Variants in EPHA6 observed in about 807,000 individuals in gnomAD.
EPHA6 encodes ephrin type-A receptor 6.
A neutral mutation model predicts 112.0 loss-of-function variants in EPHA6; 50 were observed. That is an observed-to-expected ratio of 0.45 (90% CI 0.36 to 0.56). The LOEUF is 0.56. Among genes scored for constraint, EPHA6 ranks in the 20% least tolerant of loss-of-function variants. EPHA6 has a pLI of 0.00. For missense variants in EPHA6, 1,280 were observed against 1,417.4 expected (o/e 0.90, Z 1.56); for synonymous variants, 529 against 490.7 (o/e 1.08, Z -1.03).
At chr3:97,506,980 G>A (rs2092266316) in intron 10 of EPHA6, among the ~76,000 whole-genome samples, 1 of 152,116 alleles carries the variant, frequency 6.6e-6, no homozygotes, top group Non-Finnish European at 1.5e-5. Context: ...TATTATTGGT[G>A]TAGAGGAATG....
chr3:97,196,617 G>T (rs182488511), intron 3 of EPHA6, among the ~76,000 whole-genome samples: 1 of 151,964 alleles, frequency 6.6e-6, no homozygotes, highest in Non-Finnish European at 1.5e-5. Flanking sequence ...CAACATTCTT[G>T]TGAAGGCTAT....
chr3:97,356,268 G>A (rs1248539373), intron 5 of EPHA6, among the ~76,000 whole-genome samples: 1 of 152,176 alleles, frequency 6.6e-6, no homozygotes, highest in African/African-American at 2.4e-5. Flanking sequence ...AGGAAAACAA[G>A]TTCAGGGCTC....
chr3:97,438,782 C>T (rs2089986644), intron 6 of EPHA6, among the ~76,000 whole-genome samples: 1 of 152,146 alleles, frequency 6.6e-6, no homozygotes. Flanking sequence ...ACGTTACACA[C>T]CTGCTGGATC....
At chr3:97,012,758 T>A (rs571610902) in intron 3 of EPHA6, among the ~76,000 whole-genome samples, 127 of 151,474 alleles carry the variant, frequency 8.4e-4, no homozygotes, top group African/African-American at 3.0e-3. Flanking sequence ...CACACTGGAC[T>A]TACTATTTTT....
chr3:96,978,750 G>A (rs2042631169), intron 2 of EPHA6, among the ~76,000 whole-genome samples: 1 of 152,044 alleles, frequency 6.6e-6, no homozygotes, highest in Non-Finnish European at 1.5e-5. Flanking sequence ...TATTTGAGAA[G>A]AATAACATTT....
intron 3 of EPHA6, among the ~76,000 whole-genome samples, chr3:97,104,776 C>T (rs1179336142): frequency 6.6e-6 from 1 of 151,898 alleles, no homozygotes; most frequent in African/African-American, 2.4e-5. Flanking sequence ...TGGTCTTGGG[C>T]TTTTTTTGGT....
At chr3:96,893,170 C>T (rs1005848214) in intron 2 of EPHA6, among the ~76,000 whole-genome samples, 2 of 152,076 alleles carry the variant, frequency 1.3e-5, no homozygotes, top group African/African-American at 4.8e-5. Flanking sequence ...ACCTACTGCG[C>T]TGCTAGTCAT....
chr3:97,322,263 G>A (rs11914407), intron 5 of EPHA6, among the ~76,000 whole-genome samples: 17,041 of 151,862 alleles, frequency 0.11, 3,044 homozygotes, highest in African/African-American at 0.37. Flanking sequence ...GAAATATTTT[G>A]AATTTTGTAC....
chr3:97,383,172 G>T (rs1213799944), intron 5 of EPHA6, among the ~76,000 whole-genome samples: 2 of 151,992 alleles, frequency 1.3e-5, no homozygotes, highest in Non-Finnish European at 2.9e-5. Context: ...AAAATAAGCT[G>T]TGGACTTACT....
rs1191737391 is a variant in EPHA6, at chr3:96,814,616, T to C, written c.-8T>C. ...AATAGTCCTCGCGCAAGCGGGACAC[T>C]GTGGTGGATGCAATTCCCCTCGCCT... On this transcript the variant is annotated 5_prime_UTR_variant, in exon 1 of 18. Transcript: ENST00000389672. The C allele has an allele frequency of 7.0e-7, 1 of 1,419,974 alleles. No individual in the cohort carries two copies. The highest frequency in any genetic ancestry group is 9.2e-7 in the Non-Finnish European group (1 of 1,083,646). 88.0% of individuals were successfully genotyped at this position (1,419,974 alleles called of 1,614,324 possible).
chr3:97,224,515 C>T (rs931994164), intron 3 of EPHA6, among the ~76,000 whole-genome samples: 29 of 152,028 alleles, frequency 1.9e-4, no homozygotes, highest in African/African-American at 6.8e-4. Context: ...GTTATAAGCA[C>T]GCTACTTTAT....
intron 3 of EPHA6, among the ~76,000 whole-genome samples, chr3:97,087,522 C>T (rs1328759568): frequency 6.6e-6 from 1 of 152,078 alleles, no homozygotes; most frequent in Non-Finnish European, 1.5e-5. Flanking sequence ...GGGAAAGGGC[C>T]ACTAGCTAGG....
intron 3 of EPHA6, among the ~76,000 whole-genome samples, chr3:97,114,242 T>G (rs529811861): frequency 1.3e-4 from 20 of 152,130 alleles, no homozygotes; most frequent in Non-Finnish European, 2.5e-4. Flanking sequence ...TAATAATATT[T>G]AAGTTTTGTT....
intron 4 of EPHA6, among the ~76,000 whole-genome samples, chr3:97,238,206 A>G (rs999160946): frequency 2.0e-5 from 3 of 151,954 alleles, no homozygotes; most frequent in African/African-American, 7.2e-5. Flanking sequence ...ATGGGTAAAG[A>G]GATGGTGGCA....
chr3:97,004,185 G>A (rs538267610), intron 3 of EPHA6, among the ~76,000 whole-genome samples: 1 of 152,070 alleles, frequency 6.6e-6, no homozygotes, highest in Non-Finnish European at 1.5e-5. Context: ...GAGTCAAATG[G>A]TATTTCTGGT....
At chr3:97,037,081 A>C (rs1453294591) in intron 3 of EPHA6, among the ~76,000 whole-genome samples, 1 of 152,092 alleles carries the variant, frequency 6.6e-6, no homozygotes. Flanking sequence ...TTGACTTAAA[A>C]GGTGTATTTG....
chr3:97,663,703 A>G (rs2094185945), intron 14 of EPHA6, among the ~76,000 whole-genome samples: 1 of 152,082 alleles, frequency 6.6e-6, no homozygotes, highest in South Asian at 2.1e-4. Flanking sequence ...CATGGTGTAT[A>G]TGTGCCACAT....
At chr3:97,403,714 G>A (rs1449825727) in intron 5 of EPHA6, among the ~76,000 whole-genome samples, 1 of 152,164 alleles carries the variant, frequency 6.6e-6, no homozygotes, top group African/African-American at 2.4e-5. Context: ...CCAAAGTGCT[G>A]GGATTACAGG....
intron 3 of EPHA6, among the ~76,000 whole-genome samples, chr3:97,129,906 T>C (rs1436156119): frequency 6.6e-6 from 1 of 152,110 alleles, no homozygotes; most frequent in Non-Finnish European, 1.5e-5. Flanking sequence ...CTATCAGATA[T>C]TGAGGGTGGG....
Sources: allele counts gnomAD v4.1 joint callset (sites outside exome capture counted in the v4.1 genomes callset), GRCh38; gene constraint gnomAD v4.1.1; transcripts MANE v1.5; gene names NCBI Gene and HGNC (gene_info 2026-07-23, HGNC 2026-07-21).